PRELID2: variants seen among roughly 807,000 people sequenced by gnomAD.
PRELID2 encodes PRELI domain containing 2.
Under a neutral mutation model 28.4 loss-of-function variants are expected in PRELID2, and 25 were observed. The ratio of observed to expected loss-of-function variants is 0.88; its 90% CI spans 0.64 to 1.23. The LOEUF (loss-of-function observed/expected upper bound fraction) is 1.23, where lower values mean the gene tolerates loss of function less well. Among genes scored for constraint, PRELID2 ranks in the 50% most tolerant of loss-of-function variants. The pLI, the probability that PRELID2 is intolerant of heterozygous loss-of-function variation, is 0.00. For missense variants in PRELID2, 201 were observed against 214.4 expected (o/e 0.94, Z 0.39); for synonymous variants, 76 against 71.6 (o/e 1.06, Z -0.31).
chr5:145,644,694 C>A (rs1310782855), intron 1 of PRELID2, among the ~76,000 whole-genome samples: 1 of 152,140 alleles, frequency 6.6e-6, no homozygotes, highest in Non-Finnish European at 1.5e-5. Context: ...AAATGTGTCC[C>A]AGAGATTCTG....
At chr5:145,773,173 G>C (rs1758212842) in intron 5 of PRELID2, among the ~76,000 whole-genome samples, 1 of 152,132 alleles carries the variant, frequency 6.6e-6, no homozygotes, top group Admixed American at 6.5e-5. Flanking sequence ...CTAAAAACTG[G>C]AAAGGACCTT....
At chr5:145,509,553 CT>C (rs1752442940) in intron 1 of PRELID2, among the ~76,000 whole-genome samples, 1 of 152,186 alleles carries the variant, frequency 6.6e-6, no homozygotes, top group Non-Finnish European at 1.5e-5. Flanking sequence ...CCTGCCTTTC[CT>C]TTTGCCATCT....
At chr5:145,339,099 G>C in the PRELID2 span, among the ~76,000 whole-genome samples, 1 of 152,266 alleles carries the variant, frequency 6.6e-6, no homozygotes. Context: ...ATTTTAAAGT[G>C]AACTACAGAA....
intron 1 of PRELID2, among the ~76,000 whole-genome samples, chr5:145,700,196 C>T (rs879934867): frequency 1.6e-4 from 19 of 117,458 alleles, no homozygotes; most frequent in Non-Finnish European, 2.4e-4. Context: ...CAACAGCATC[C>T]CCCCCAACTT....
chr5:145,704,596 T>G (rs1386367052), intron 1 of PRELID2, among the ~76,000 whole-genome samples: 1 of 152,234 alleles, frequency 6.6e-6, no homozygotes, highest in Non-Finnish European at 1.5e-5. Context: ...TTTTGAAATA[T>G]CTGCCTAACC....
chr5:145,308,850 T>A, the PRELID2 span, among the ~76,000 whole-genome samples: 2 of 152,206 alleles, frequency 1.3e-5, no homozygotes, highest in Non-Finnish European at 2.9e-5. Context: ...CCATGTTAAC[T>A]GCAGGGACCT....
the PRELID2 span, among the ~76,000 whole-genome samples, chr5:145,339,326 G>A: frequency 6.6e-6 from 1 of 152,212 alleles, no homozygotes; most frequent in African/African-American, 2.4e-5. Flanking sequence ...AGGATTGGCG[G>A]GGAGCTTGGA....
the PRELID2 span, among the ~76,000 whole-genome samples, chr5:145,422,582 G>A: frequency 6.6e-6 from 1 of 151,080 alleles, no homozygotes; most frequent in East Asian, 1.9e-4. Context: ...GTTTTCCATT[G>A]GCTTGGTAGA....
intron 1 of PRELID2, among the ~76,000 whole-genome samples, chr5:145,654,155 T>A (rs1362160825): frequency 1.3e-5 from 2 of 151,988 alleles, no homozygotes; most frequent in African/African-American, 4.8e-5. Flanking sequence ...CTAGAAGAAA[T>A]GGATAAATTC....
At chr5:145,814,331 C>A (rs1754152728) in intron 4 of PRELID2, among the ~76,000 whole-genome samples, 1 of 152,168 alleles carries the variant, frequency 6.6e-6, no homozygotes, top group African/African-American at 2.4e-5. Context: ...CCAATTCCAT[C>A]CTTTTGCTAT....
chr5:145,484,583 A>T (rs1752196623), intron 1 of PRELID2, among the ~76,000 whole-genome samples: 1 of 141,348 alleles, frequency 7.1e-6, no homozygotes, highest in African/African-American at 2.6e-5. Context: ...AAAGCATTTC[A>T]TTGGCTCATT....
chr5:145,414,650 T>C, the PRELID2 span, among the ~76,000 whole-genome samples: 10 of 152,182 alleles, frequency 6.6e-5, no homozygotes, highest in Non-Finnish European at 1.3e-4. Context: ...AAACAATAAA[T>C]ACACAATGCA....
chr5:145,636,580 C>G lies in PRELID2; in HGVS notation n.70+128351G>C, dbSNP rs753092287. 4.3e-4 allele frequency among the ~76,000 whole-genome samples: 66 copies of G among 152,330 alleles called. 1 individual carries two copies. The highest frequency in any genetic ancestry group is 8.4e-4 in the Non-Finnish European group (57 of 68,038). ...TGTAATTATATTGTCTTCCTAATTG[C>G]TCTTGGGTATTCCACTGTGTGAAAC... On this transcript the variant is annotated intron_variant and non_coding_transcript_variant, in intron 1 of 2. Transcript: ENST00000510259.
intron 1 of PRELID2, among the ~76,000 whole-genome samples, chr5:145,714,845 T>C (rs1467927790): frequency 6.6e-6 from 1 of 152,124 alleles, no homozygotes; most frequent in Non-Finnish European, 1.5e-5. Flanking sequence ...TGCTCTTCTT[T>C]CTACTTCATT....
intron 1 of PRELID2, among the ~76,000 whole-genome samples, chr5:145,678,858 T>C (rs1242496187): frequency 6.6e-6 from 1 of 152,178 alleles, no homozygotes; most frequent in African/African-American, 2.4e-5. Flanking sequence ...GAGTAATCTT[T>C]TCTGTTTAAT....
the PRELID2 span, among the ~76,000 whole-genome samples, chr5:145,330,465 T>G: frequency 6.6e-6 from 1 of 152,242 alleles, no homozygotes; most frequent in Non-Finnish European, 1.5e-5. Context: ...GTTATTGGTC[T>G]ATTCAGGGAT....
chr5:145,597,635 C>T (rs1753328706), intron 1 of PRELID2, among the ~76,000 whole-genome samples: 1 of 152,114 alleles, frequency 6.6e-6, no homozygotes, highest in South Asian at 2.1e-4. Flanking sequence ...CCCAGACAAA[C>T]ATACTGATAT....
intron 1 of PRELID2, among the ~76,000 whole-genome samples, chr5:145,485,999 G>A (rs921186745): frequency 3.9e-5 from 6 of 152,114 alleles, no homozygotes; most frequent in Admixed American, 2.0e-4. Flanking sequence ...ACTTTCATAC[G>A]TACACCTATT....
intron 1 of PRELID2, among the ~76,000 whole-genome samples, chr5:145,545,534 C>A (rs920141224): frequency 2.0e-5 from 3 of 151,882 alleles, no homozygotes; most frequent in African/African-American, 7.3e-5. Flanking sequence ...CACCTGTGGT[C>A]AAATTCTTTG....
Sources: allele counts gnomAD v4.1 joint callset (sites outside exome capture counted in the v4.1 genomes callset), GRCh38; gene constraint gnomAD v4.1.1; transcripts MANE v1.5; gene names NCBI Gene and HGNC (gene_info 2026-07-23, HGNC 2026-07-21).